Variants in ACACA observed in about 807,000 individuals in gnomAD.
ACACA encodes acetyl-CoA carboxylase alpha, also known as acetyl-CoA carboxylase 1.
Under a neutral mutation model 296.1 loss-of-function variants are expected in ACACA, and 103 were observed. The observed-to-expected ratio is 0.35, with a 90% confidence interval of 0.30 to 0.41. ACACA has a LOEUF of 0.41. Among genes scored for constraint, ACACA ranks in the 10% least tolerant of loss-of-function variants. ACACA has a pLI of 1.00. For missense variants in ACACA, 1,554 were observed against 2,989.7 expected (o/e 0.52, Z 11.20); for synonymous variants, 953 against 1,038.6 (o/e 0.92, Z 1.58).
At chr17:37,275,258 G>A (rs915379594) in intron 8 of ACACA, among the ~76,000 whole-genome samples, 2 of 152,246 alleles carry the variant, frequency 1.3e-5, no homozygotes, top group African/African-American at 2.4e-5. Flanking sequence ...AGCACTTTGG[G>A]AGGCCAAGGC....
Position 37,274,172 on chromosome 17 carries a change from TC to T in ACACA, c.1008+20del, listed in dbSNP as rs754803051. The T allele has an allele frequency of 1.1e-5, 18 of 1,589,690 alleles. No homozygotes were observed. The African/African-American group carries it at 2.3e-4, about 20-fold the overall frequency. On this transcript the variant is annotated intron_variant, in intron 9 of 55. Transcript: ENST00000616317. ...TAACTGGTCAGCTGAAAGGTATCAC[TC>T]CCTGGAGTTAGTAACCTACCTGTAG...
chr17:37,263,384 C>A (rs905550913), intron 11 of ACACA, among the ~76,000 whole-genome samples: 3 of 152,138 alleles, frequency 2.0e-5, no homozygotes, highest in Admixed American at 2.0e-4. Flanking sequence ...TTATGAGCCT[C>A]TTAAAAAAAT....
chr17:37,289,121 G>A (rs1389073617), intron 3 of ACACA, among the ~76,000 whole-genome samples: 1 of 152,006 alleles, frequency 6.6e-6, no homozygotes, highest in Non-Finnish European at 1.5e-5. Flanking sequence ...AAATTAGCCA[G>A]ACGTGGTGGC....
At chr17:37,382,742 C>T (rs2050355068) in intron 1 of ACACA, among the ~76,000 whole-genome samples, 1 of 152,142 alleles carries the variant, frequency 6.6e-6, no homozygotes, top group Non-Finnish European at 1.5e-5. Flanking sequence ...TGCCTGTAGT[C>T]CTAGCTACTC....
intron 52 of ACACA, among the ~76,000 whole-genome samples, chr17:37,104,810 G>A (rs374893180): frequency 2.8e-4 from 42 of 152,200 alleles, no homozygotes; most frequent in African/African-American, 1.0e-3. Flanking sequence ...ATGTGGTGGC[G>A]CATGCCTTGT....
At chr17:37,352,612 G>C (rs1315570116) in intron 1 of ACACA, among the ~76,000 whole-genome samples, 4 of 152,010 alleles carry the variant, frequency 2.6e-5, no homozygotes, top group African/African-American at 9.7e-5. Flanking sequence ...CCCGCTACTT[G>C]GGAGGCTGAG....
intron 52 of ACACA, 140 bp from the exon 53 acceptor site, chr17:37,098,124 C>G (rs2073102955): frequency 9.4e-7 from 1 of 1,065,476 alleles, no homozygotes. Context: ...GTCTTCTCTG[C>G]TCTTTGCTGA....
chr17:37,389,421 G>T (rs1416877070), intron 1 of ACACA: 6 of 1,539,418 alleles, frequency 3.9e-6, no homozygotes, highest in Non-Finnish European at 5.3e-6. Context: ...TAGGGGCCGG[G>T]CGTGGTGGCT....
intron 45 of ACACA, among the ~76,000 whole-genome samples, chr17:37,146,858 C>T (rs542371484): frequency 7.4e-4 from 109 of 147,716 alleles, no homozygotes; most frequent in African/African-American, 2.5e-3. Flanking sequence ...ACCCCCCTTC[C>T]TGCAAACCAG....
chr17:37,125,385 G>A (rs2074730534), intron 48 of ACACA, among the ~76,000 whole-genome samples: 2 of 152,072 alleles, frequency 1.3e-5, no homozygotes, highest in Admixed American at 6.6e-5. Flanking sequence ...CTTTGGGAGA[G>A]GGAAAGTCAT....
At chr17:37,351,808 C>G (rs2048914411) in intron 1 of ACACA, among the ~76,000 whole-genome samples, 1 of 152,178 alleles carries the variant, frequency 6.6e-6, no homozygotes, top group Admixed American at 6.6e-5. Flanking sequence ...CCATCTTGGC[C>G]TCCCAAAGTG....
intron 41 of ACACA, among the ~76,000 whole-genome samples, chr17:37,169,071 G>GTGCAATGA (rs2076792091): frequency 6.6e-6 from 1 of 152,166 alleles, no homozygotes; most frequent in Admixed American, 6.5e-5. Flanking sequence ...TGATAGGCAG[G>GTGCAATGA]GAAGGTACTC....
chr17:37,219,648 GA>G (rs916582347), intron 29 of ACACA, among the ~76,000 whole-genome samples: 13 of 149,226 alleles, frequency 8.7e-5, no homozygotes, highest in Admixed American at 1.3e-4. Context: ...ACATTTGGGG[GA>G]AAAATATATT....
chr17:37,391,621 C>G (rs772062671), intron 1 of ACACA: 2 of 1,603,502 alleles, frequency 1.2e-6, no homozygotes, highest in East Asian at 4.5e-5. Context: ...CCTTTTTTAA[C>G]TTTCATATTT....
chr17:37,166,670 A>G (rs1320717910), intron 41 of ACACA, among the ~76,000 whole-genome samples: 1 of 152,258 alleles, frequency 6.6e-6, no homozygotes, highest in Non-Finnish European at 1.5e-5. Context: ...TGCAAAGTCA[A>G]GCTGTCTTGG....
At chr17:37,282,241 C>A (rs532875342) in intron 5 of ACACA, among the ~76,000 whole-genome samples, 2 of 152,150 alleles carry the variant, frequency 1.3e-5, no homozygotes, top group Non-Finnish European at 2.9e-5. Flanking sequence ...CCCCACAATT[C>A]TCTGTGTTGT....
chr17:37,319,567 A>G (rs2047248806), intron 3 of ACACA, among the ~76,000 whole-genome samples: 1 of 152,116 alleles, frequency 6.6e-6, no homozygotes, highest in South Asian at 2.1e-4. Context: ...TCACACCTGT[A>G]ATCCCAGCAC....
intron 21 of ACACA, 134 bp downstream of exon 21, chr17:37,244,454 A>G (rs1598296659): frequency 1.9e-6 from 2 of 1,035,394 alleles, no homozygotes; most frequent in South Asian, 1.3e-5. Context: ...AAGTCCCACA[A>G]CTGAAGGTGA....
chr17:37,194,204 C>A (rs1349094945), intron 35 of ACACA, among the ~76,000 whole-genome samples: 1 of 152,004 alleles, frequency 6.6e-6, no homozygotes, highest in African/African-American at 2.4e-5. Context: ...TTACTATTTG[C>A]CTCTATAGGA....
Sources: gnomAD v4.1 joint callset for allele counts (sites outside exome capture counted in the v4.1 genomes callset) on GRCh38, gnomAD v4.1.1 for gene constraint, MANE v1.5 for transcripts, NCBI Gene and HGNC (gene_info 2026-07-23, HGNC 2026-07-21) for gene names.